Variants in FNIP1 observed in about 807,000 individuals in gnomAD.
FNIP1 encodes the protein folliculin interacting protein 1, also known as folliculin-interacting protein 1.
FNIP1 carries 40 observed loss-of-function variants against 124.5 expected under a neutral mutation model. The observed-to-expected ratio is 0.32, with a 90% CI of 0.25 to 0.42. The LOEUF is 0.42. FNIP1 is among the 10% of genes least tolerant of loss of function. The probability of loss-of-function intolerance (pLI) is 1.00; values close to 1 mark genes in which losing one functional copy is unlikely to be tolerated. For missense variants in FNIP1, 1,176 were observed against 1,403.7 expected (o/e 0.84, Z 2.59); for synonymous variants, 472 against 470.6 (o/e 1.00, Z -0.04).
At chr5:131,742,468 A>G (rs1260756769) in intron 2 of FNIP1, among the ~76,000 whole-genome samples, 2 of 152,102 alleles carry the variant, frequency 1.3e-5, no homozygotes, top group African/African-American at 4.8e-5. Context: ...GTCTCAAGAA[A>G]ACAAACAGAC....
At chr5:131,648,473 C>A (rs951335926) in intron 16 of FNIP1, among the ~76,000 whole-genome samples, 2 of 152,014 alleles carry the variant, frequency 1.3e-5, no homozygotes, top group Admixed American at 6.6e-5. Context: ...GTGTTCCTTT[C>A]CAATGAAAAT....
intron 2 of FNIP1, 126 bp from the exon 3 acceptor site, chr5:131,731,164 T>A: frequency 1.3e-6 from 1 of 781,712 alleles, no homozygotes; most frequent in Non-Finnish European, 2.0e-6. Context: ...TTAATATGGC[T>A]ATTGGCATTT....
intron 11 of FNIP1, among the ~76,000 whole-genome samples, chr5:131,682,263 G>T (rs1387718794): frequency 1.3e-5 from 2 of 152,168 alleles, no homozygotes; most frequent in East Asian, 1.9e-4. Context: ...GGTATTAGTG[G>T]TCCAATGAGA....
rs1447322839 is a variant in FNIP1 at position 131,643,377 on chromosome 5, A to G, written c.*1308T>C. ...GATGAAATTATGATGAAAATAGTCAATGAAAGCAGAAACCAACTTTACTAC... is the reference window on the plus strand; with the variant it reads ...GATGAAATTATGATGAAAATAGTCAGTGAAAGCAGAAACCAACTTTACTAC... On this transcript the variant is annotated 3_prime_UTR_variant, in exon 18 of 18. Coordinates refer to ENST00000510461, the MANE Select transcript of FNIP1 (RefSeq NM_133372.3). 1 of 152,804 alleles carries G rather than the reference A, an allele frequency of 6.5e-6. No individual in the cohort carries two copies. The highest frequency in any genetic ancestry group is 2.4e-5 in the African/African-American group (1 of 41,458). The allele number at this position is 152,804 out of a possible 1,614,324, so 9.5% of individuals were successfully genotyped here. A position where few individuals can be genotyped will look rare whatever the true frequency, so the allele number is the denominator to read the frequency against.
Position 131,708,899 on chromosome 5 carries a change from T to G in FNIP1, c.778+302A>C, listed in dbSNP as rs189854714. On this transcript the variant is annotated intron_variant, in intron 8 of 17. Transcript: ENST00000510461. ...CAGCAAGCAAATATAAGCAAACGTG[T>G]TTTTTTTTTACTACAGTTTCTAAGC... Among the ~76,000 whole-genome samples the G allele has an allele frequency of 4.1e-3, 502 of 122,350 alleles. 2 individuals are homozygous for G. The highest frequency in any genetic ancestry group is 0.023 in the African/African-American group (480 of 20,430). The allele number at this position is 122,350 out of a possible 152,430, so 80.3% of individuals were successfully genotyped here. A position where few individuals can be genotyped will look rare whatever the true frequency, so the allele number is the denominator to read the frequency against.
chr5:131,687,334 G>A (rs1768315958), intron 11 of FNIP1, among the ~76,000 whole-genome samples: 1 of 151,912 alleles, frequency 6.6e-6, no homozygotes. Flanking sequence ...TTGAACTCCT[G>A]GACTCAAATG....
At position 131,796,596 on chromosome 5, in the gene FNIP1, C is replaced by CCGA. The variant is rs1333407926; in HGVS notation, c.92+231_92+233dup. 2.2e-4 allele frequency: 120 copies of CCGA among 556,766 alleles called. No homozygotes were observed. In the East Asian group the frequency reaches 3.4e-3, roughly 16 times the overall value. The allele number at this position is 556,766 out of a possible 1,614,324, so 34.5% of individuals were successfully genotyped here. The stretch of plus-strand genomic sequence containing the variant: ...TGGCTGGGGGCAGGTCGTAAACAAA[C>CCGA]CGACGGGAGGAGGGGGAAGGGGCAA... On this transcript the variant is annotated intron_variant, in intron 1 of 17. Coordinates refer to ENST00000510461, the MANE Select transcript of FNIP1 (RefSeq NM_133372.3).
intron 15 of FNIP1, among the ~76,000 whole-genome samples, chr5:131,659,581 G>A (rs1441839391): frequency 2.0e-5 from 3 of 152,228 alleles, no homozygotes; most frequent in East Asian, 1.9e-4. Flanking sequence ...GGCCAGCCAC[G>A]TCCAGACACA....
chr5:131,722,772 G>A (rs1176196961), intron 3 of FNIP1, among the ~76,000 whole-genome samples: 3 of 152,240 alleles, frequency 2.0e-5, no homozygotes, highest in East Asian at 1.9e-4. Flanking sequence ...TGCAACCTCC[G>A]CCTCCTGGGT....
intron 2 of FNIP1, among the ~76,000 whole-genome samples, chr5:131,733,363 A>G (rs1015580653): frequency 5.9e-5 from 9 of 152,122 alleles, no homozygotes; most frequent in East Asian, 3.8e-4. Context: ...TTCCAACACT[A>G]TGTTGAATAG....
intron 1 of FNIP1, among the ~76,000 whole-genome samples, chr5:131,755,706 T>A (rs1771028272): frequency 6.6e-6 from 1 of 151,838 alleles, no homozygotes; most frequent in South Asian, 2.1e-4. Flanking sequence ...TAAAGCACTG[T>A]TACAAAAGTT....
At chr5:131,772,330 C>T (rs1047907430) in intron 1 of FNIP1, among the ~76,000 whole-genome samples, 5 of 150,908 alleles carry the variant, frequency 3.3e-5, no homozygotes, top group African/African-American at 1.2e-4. Context: ...GGTTATATGA[C>T]TATACATTGT....
At chr5:131,732,427 T>G (rs528238797) in intron 2 of FNIP1, among the ~76,000 whole-genome samples, 2 of 152,242 alleles carry the variant, frequency 1.3e-5, no homozygotes, top group African/African-American at 4.8e-5. Flanking sequence ...TGAATGGTAT[T>G]GCCTAGGTTT....
chr5:131,758,344 G>C (rs1771117207), intron 1 of FNIP1, among the ~76,000 whole-genome samples: 1 of 152,082 alleles, frequency 6.6e-6, no homozygotes, highest in Admixed American at 6.6e-5. Context: ...ACTGGTATTT[G>C]CTTATGCTCA....
At chr5:131,720,301 G>A (rs1479725721) in intron 3 of FNIP1, among the ~76,000 whole-genome samples, 9 of 152,120 alleles carry the variant, frequency 5.9e-5, no homozygotes, top group Non-Finnish European at 8.8e-5. Context: ...ATCCACATGC[G>A]AAAGAATAAA....
intron 1 of FNIP1, among the ~76,000 whole-genome samples, chr5:131,749,461 T>C (rs1770794400): frequency 6.6e-6 from 1 of 151,706 alleles, no homozygotes; most frequent in Admixed American, 6.6e-5. Context: ...GGTGCGATTT[T>C]GGCTCACTGC....
intron 13 of FNIP1, among the ~76,000 whole-genome samples, chr5:131,674,589 G>A (rs977260367): frequency 5.3e-5 from 8 of 151,966 alleles, no homozygotes; most frequent in South Asian, 4.2e-4. Context: ...ATGGTGGCGC[G>A]CACCTGTAAT....
intron 1 of FNIP1, among the ~76,000 whole-genome samples, chr5:131,767,609 G>A (rs1019864405): frequency 6.6e-6 from 1 of 152,116 alleles, no homozygotes; most frequent in African/African-American, 2.4e-5. Flanking sequence ...ACCATAGGAA[G>A]AAGCTGTAAG....
Position 131,764,447 on chromosome 5 carries a change from G to A in FNIP1, c.93-19757C>T, listed in dbSNP as rs147409740. 6.8e-4 allele frequency among the ~76,000 whole-genome samples: 103 copies of A among 151,514 alleles called. 3 individuals carry two copies. The East Asian group carries it at 0.019, about 28-fold the overall frequency. On this transcript the variant is annotated intron_variant, in intron 1 of 17. Transcript: ENST00000510461. ...CAGCCTCCCAGTAGATGGGACCACA[G>A]GTGTCCACCACCACACCTGGCTAAT...
Sources: gnomAD v4.1 joint callset for allele counts (sites outside exome capture counted in the v4.1 genomes callset) on GRCh38, gnomAD v4.1.1 for gene constraint, MANE v1.5 for transcripts, NCBI Gene and HGNC (gene_info 2026-07-23, HGNC 2026-07-21) for gene names.